WDR19: variants seen among roughly 807,000 people sequenced by gnomAD.
The protein encoded by WDR19 is WD repeat domain 19.
Under a neutral mutation model 180.0 loss-of-function variants are expected in WDR19, and 121 were observed. The ratio of observed to expected loss-of-function variants is 0.67; its 90% CI spans 0.58 to 0.78. The LOEUF (loss-of-function observed/expected upper bound fraction) is 0.78, where lower values mean the gene tolerates loss of function less well. Ranked by LOEUF, WDR19 falls within the 30% of genes least tolerant of loss-of-function variation. WDR19 has a pLI of 0.00. For missense variants in WDR19, 1,450 were observed against 1,640.7 expected, an observed-to-expected ratio of 0.88 and a Z score of 2.01; for synonymous variants, 497 against 540.7, an observed-to-expected ratio of 0.92 and a Z score of 1.12.
intron 5 of WDR19, among the ~76,000 whole-genome samples, chr4:39,197,569 A>G (rs926311991): frequency 2.6e-5 from 4 of 152,156 alleles, no homozygotes; most frequent in African/African-American, 9.7e-5. Flanking sequence ...TCTTCTCATT[A>G]GTAGAATTAC....
intron 21 of WDR19, among the ~76,000 whole-genome samples, chr4:39,240,787 T>TAA (rs1162493689): frequency 2.1e-5 from 3 of 143,770 alleles, no homozygotes; most frequent in African/African-American, 7.6e-5. Flanking sequence ...CCATCTCTAC[T>TAA]AAAAAAAAAA....
In WDR19 at chr4:39,248,333, A is replaced by G. The variant is rs553298806; in HGVS notation, c.2729+2881A>G. On this transcript the variant is annotated intron_variant, in intron 24 of 36. Coordinates refer to ENST00000399820, the MANE Select transcript of WDR19 (RefSeq NM_025132.4). Reference sequence around the variant, plus strand: ...ATGTTGTCACCACCAGGCCTTCCCTACAAGAGCTCCTGAAGGAAGCACTAA... The same window carrying G: ...ATGTTGTCACCACCAGGCCTTCCCTGCAAGAGCTCCTGAAGGAAGCACTAA... Among the ~76,000 whole-genome samples the G allele has an allele frequency of 3.7e-4, 56 of 152,370 alleles. No individual in the cohort carries two copies. In the South Asian group the frequency reaches 0.011, roughly 30 times the overall value.
intron 15 of WDR19, among the ~76,000 whole-genome samples, chr4:39,225,335 G>A (rs905074221): frequency 2.6e-5 from 4 of 152,090 alleles, no homozygotes; most frequent in African/African-American, 9.7e-5. Flanking sequence ...TAATTATAGT[G>A]TATCTGCCTG....
rs1470913210 is a variant in WDR19, at chr4:39,221,497, CA to C, written c.1480-3380del. Among the ~76,000 whole-genome samples the C allele has an allele frequency of 1.2e-4, 18 of 152,088 alleles. No individual in the cohort carries two copies. In the East Asian group the frequency reaches 1.9e-3, roughly 16 times the overall value. The stretch of plus-strand genomic sequence containing the variant: ...GCTTTATTGAAGTTTAATTGATATG[CA>C]AAAAAATGCACTATTAAAGTTATAC... On this transcript the variant is annotated intron_variant, in intron 14 of 36. Coordinates refer to ENST00000399820, the MANE Select transcript of WDR19 (RefSeq NM_025132.4).
chr4:39,253,245 TATTGTTAGAGAG>T lies in WDR19; in HGVS notation c.2831_2842del (p.Ile944_Glu947del). 6.2e-7 allele frequency: 1 copy of T among 1,613,550 alleles called. No homozygotes were observed. Among genetic ancestry groups the T allele is most frequent in the Non-Finnish European group, 8.5e-7 (1 of 1,179,726 alleles). ...TCAATAATCCTGAAAAAGCTGTCAA[TATTGTTAGAGAG>T]ACCCAGTCTCTGGATGGAGCCAAAA... On this transcript the variant is annotated inframe_deletion, in exon 25 of 37. Coordinates refer to ENST00000399820, the MANE Select transcript of WDR19 (RefSeq NM_025132.4).
At chr4:39,242,859 G>T (rs1231570867) in intron 21 of WDR19, among the ~76,000 whole-genome samples, 3 of 152,042 alleles carry the variant, frequency 2.0e-5, no homozygotes, top group Non-Finnish European at 4.4e-5. Flanking sequence ...GTAGAGACAG[G>T]GTTTTGCCAT....
At chr4:39,254,432 G>T (rs1222647738) in intron 26 of WDR19, among the ~76,000 whole-genome samples, 1 of 152,076 alleles carries the variant, frequency 6.6e-6, no homozygotes, top group Non-Finnish European at 1.5e-5. Context: ...TGCTTACTTT[G>T]GTGAACAGTG....
intron 14 of WDR19, among the ~76,000 whole-genome samples, chr4:39,221,842 A>G (rs1248434244): frequency 6.6e-6 from 1 of 152,204 alleles, no homozygotes; most frequent in Non-Finnish European, 1.5e-5. Context: ...TGTGTGTGTC[A>G]GTAATTCATT....
intron 36 of WDR19, among the ~76,000 whole-genome samples, chr4:39,284,466 G>C (rs1736941485): frequency 6.8e-6 from 1 of 147,374 alleles, no homozygotes; most frequent in Non-Finnish European, 1.5e-5. Flanking sequence ...AGCCTTGCAA[G>C]TAGCTATGAC....
chr4:39,202,926 G>C (rs1283520338), intron 6 of WDR19, among the ~76,000 whole-genome samples: 1 of 151,954 alleles, frequency 6.6e-6, no homozygotes, highest in Non-Finnish European at 1.5e-5. Context: ...AACCTTGGTA[G>C]AGGTTCTGGG....
chr4:39,282,960 T>C (rs1560575063), intron 36 of WDR19, among the ~76,000 whole-genome samples: 1 of 152,202 alleles, frequency 6.6e-6, no homozygotes, highest in Non-Finnish European at 1.5e-5. Flanking sequence ...TACTTATCTT[T>C]CCAATCTTTA....
At chr4:39,224,613 G>A (rs780060119) in intron 14 of WDR19, among the ~76,000 whole-genome samples, 22 of 152,002 alleles carry the variant, frequency 1.4e-4, no homozygotes, top group Non-Finnish European at 3.1e-4. Context: ...GGCCAGGCTG[G>A]TCTCGAATTC....
At position 39,281,234 on chromosome 4, in the gene WDR19, T is replaced by TAGAGAGAGAGAGAGAGAGAGAG. The variant is rs1189043858; in HGVS notation, c.*13+2572_*13+2573insGAGAGAGAGAGAGAGAGAGAGA. The stretch of plus-strand genomic sequence containing the variant: ...GTGTGTGTATATATATATATATATA[T>TAGAGAGAGAGAGAGAGAGAGAG]ATAGAGAGAGAGAGAGAGAGAGAGA... On this transcript the variant is annotated intron_variant, in intron 36 of 36. Transcript: ENST00000399820. Among the ~76,000 whole-genome samples the TAGAGAGAGAGAGAGAGAGAGAG allele has an allele frequency of 1.6e-3, 168 of 108,138 alleles. 1 individual carries two copies. Among genetic ancestry groups the TAGAGAGAGAGAGAGAGAGAGAG allele is most frequent in the Non-Finnish European group, 2.4e-3 (133 of 56,180 alleles). The allele number at this position is 108,138 out of a possible 152,430, so 70.9% of individuals were successfully genotyped here. A position where few individuals can be genotyped will look rare whatever the true frequency, so the allele number is the denominator to read the frequency against.
At chr4:39,232,733 A>G (rs546593492) in intron 19 of WDR19, among the ~76,000 whole-genome samples, 8 of 152,006 alleles carry the variant, frequency 5.3e-5, no homozygotes, top group Non-Finnish European at 1.0e-4. Flanking sequence ...ACATAAGAAT[A>G]TCAAAGGAGG....
chr4:39,185,024 G>A (rs1448755368), intron 1 of WDR19, among the ~76,000 whole-genome samples: 3 of 151,880 alleles, frequency 2.0e-5, no homozygotes, highest in Admixed American at 6.6e-5. Context: ...AATTAACAAC[G>A]AGATAGTTTA....
rs367986039 is a variant in WDR19 at position 39,280,393 on chromosome 4, G to A, written c.*13+1730G>A. ...CCATTGCCAGGCTGGGCACAATGGT[G>A]CATGCTTATAATCCCAGTGCTTTGG... On this transcript the variant is annotated intron_variant, in intron 36 of 36. Coordinates refer to ENST00000399820, the MANE Select transcript of WDR19 (RefSeq NM_025132.4). Among the ~76,000 whole-genome samples, 199 of 152,200 alleles carry A rather than the reference G, an allele frequency of 1.3e-3. 4 individuals are homozygous for A. The South Asian group carries it at 0.04, about 30-fold the overall frequency.
At chr4:39,201,055 G>A (rs2109288014) in intron 6 of WDR19, among the ~76,000 whole-genome samples, 1 of 152,200 alleles carries the variant, frequency 6.6e-6, no homozygotes, top group East Asian at 1.9e-4. Flanking sequence ...GGGGCCGGAA[G>A]AATATGATAG....
At chr4:39,232,489 G>A (rs1196353009) in intron 19 of WDR19, among the ~76,000 whole-genome samples, 1 of 152,154 alleles carries the variant, frequency 6.6e-6, no homozygotes, top group Non-Finnish European at 1.5e-5. Context: ...GCCGGACGTG[G>A]TGGCATGTGC....
chr4:39,267,164 T>C (rs972312280), intron 29 of WDR19, among the ~76,000 whole-genome samples: 3 of 152,210 alleles, frequency 2.0e-5, no homozygotes, highest in Non-Finnish European at 4.4e-5. Flanking sequence ...AGAACGTCCA[T>C]CTTCTCCCAG....
Sources: allele counts gnomAD v4.1 joint callset (sites outside exome capture counted in the v4.1 genomes callset), GRCh38; gene constraint gnomAD v4.1.1; transcripts MANE v1.5; gene names NCBI Gene and HGNC (gene_info 2026-07-23, HGNC 2026-07-21).